The following HS6ST3 variants were observed in gnomAD, a reference collection of about 807,000 sequenced individuals.
HS6ST3 encodes the protein heparan sulfate 6-O-sulfotransferase 3.
Under a neutral mutation model 36.7 loss-of-function variants are expected in HS6ST3, and 12 were observed. That is an observed-to-expected ratio of 0.33 (90% confidence interval 0.21 to 0.53). The LOEUF (loss-of-function observed/expected upper bound fraction) is 0.53, where lower values mean the gene tolerates loss of function less well. HS6ST3 is among the 20% of genes least tolerant of loss of function. HS6ST3 has a pLI of 0.95. For missense variants in HS6ST3, 584 were observed against 640.9 expected (o/e 0.91, Z 0.96); for synonymous variants, 240 against 257.5 (o/e 0.93, Z 0.65).
chr13:96,431,229 AAC>A (rs1402263287), intron 1 of HS6ST3, among the ~76,000 whole-genome samples: 2 of 20,356 alleles, frequency 9.8e-5, no homozygotes, highest in African/African-American at 4.6e-4. Context: ...ACAAACAAAC[AAC>A]AACAACAACA....
intron 1 of HS6ST3, among the ~76,000 whole-genome samples, chr13:96,518,355 A>G (rs754785737): frequency 6.6e-6 from 1 of 152,174 alleles, no homozygotes; most frequent in East Asian, 1.9e-4. Context: ...ATGGGAAGCA[A>G]TTGGAATAGT....
chr13:96,205,844 C>G (rs2054367384), intron 1 of HS6ST3, among the ~76,000 whole-genome samples: 1 of 152,116 alleles, frequency 6.6e-6, no homozygotes, highest in South Asian at 2.1e-4. Context: ...ATGACAGACT[C>G]ACAGCCAGTA....
intron 1 of HS6ST3, among the ~76,000 whole-genome samples, chr13:96,243,526 C>G (rs1209295388): frequency 6.6e-6 from 1 of 152,058 alleles, no homozygotes; most frequent in Non-Finnish European, 1.5e-5. Context: ...CTGGATTGCT[C>G]TTTTTGGAAC....
At chr13:96,407,635 A>T (rs2055485608) in intron 1 of HS6ST3, among the ~76,000 whole-genome samples, 1 of 152,234 alleles carries the variant, frequency 6.6e-6, no homozygotes, top group South Asian at 2.1e-4. Flanking sequence ...ACCTAGCAAG[A>T]TCAAAGCACT....
chr13:96,344,432 CCAGA>C (rs1292149261), intron 1 of HS6ST3, among the ~76,000 whole-genome samples: 3 of 152,140 alleles, frequency 2.0e-5, no homozygotes, highest in African/African-American at 7.2e-5. Flanking sequence ...TTGCCCAAGG[CCAGA>C]CAGTTTGTAG....
intron 1 of HS6ST3, among the ~76,000 whole-genome samples, chr13:96,127,120 G>C (rs2053955943): frequency 6.6e-6 from 1 of 152,170 alleles, no homozygotes; most frequent in East Asian, 1.9e-4. Flanking sequence ...AAATTCATCT[G>C]TTGAAGCCCT....
chr13:96,254,274 C>T (rs1365117240), intron 1 of HS6ST3, among the ~76,000 whole-genome samples: 1 of 150,690 alleles, frequency 6.6e-6, no homozygotes, highest in African/African-American at 2.4e-5. Context: ...ATTAGCTGGG[C>T]GTGGTGTTGC....
rs535102016 is a variant in HS6ST3 at position 96,421,642 on chromosome 13, C to A, written c.707+330073C>A. Among the ~76,000 whole-genome samples the A allele has an allele frequency of 5.3e-5, 8 of 152,244 alleles. 1 individual carries two copies. Among genetic ancestry groups the A allele is most frequent in the African/African-American group, 1.9e-4 (8 of 41,558 alleles). ...CCTGTGTGCTTGATTTGCCCTATGA[C>A]CTGCATTCATCTCTGAGGTTCTTTC... is the stretch of plus-strand genomic sequence containing the variant. On this transcript the variant is annotated intron_variant, in intron 1 of 1. Coordinates refer to ENST00000376705, the MANE Select transcript of HS6ST3 (RefSeq NM_153456.4).
chr13:96,452,868 G>A (rs2055735092), intron 1 of HS6ST3, among the ~76,000 whole-genome samples: 1 of 152,042 alleles, frequency 6.6e-6, no homozygotes, highest in African/African-American at 2.4e-5. Context: ...CTACTACCTG[G>A]GAGGAATTGC....
chr13:96,345,225 C>T (rs1186298249), intron 1 of HS6ST3, among the ~76,000 whole-genome samples: 4 of 152,144 alleles, frequency 2.6e-5, no homozygotes, highest in African/African-American at 9.7e-5. Flanking sequence ...TTTCATAAGG[C>T]TATCATCAAT....
At position 96,590,793 on chromosome 13, in the gene HS6ST3, A is replaced by G. The variant is rs114795769; in HGVS notation, c.708-241697A>G. On this transcript the variant is annotated intron_variant, in intron 1 of 1. Coordinates refer to ENST00000376705, the MANE Select transcript of HS6ST3 (RefSeq NM_153456.4). The stretch of plus-strand genomic sequence containing the variant: ...TCCAATGCCCTGGAGAGTTTCTCCA[A>G]TGTTTTCTTTTAGCAGTTTCATAGT... Among the ~76,000 whole-genome samples the G allele has an allele frequency of 3.7e-3, 564 of 152,254 alleles. 2 individuals carry two copies. Among genetic ancestry groups the G allele is most frequent in the African/African-American group, 0.013 (540 of 41,578 alleles).
At chr13:96,684,312 T>C (rs1432229298) in intron 1 of HS6ST3, among the ~76,000 whole-genome samples, 1 of 152,114 alleles carries the variant, frequency 6.6e-6, no homozygotes, top group Admixed American at 6.6e-5. Context: ...TATTTCTGCA[T>C]CTAGAGGCAT....
intron 1 of HS6ST3, among the ~76,000 whole-genome samples, chr13:96,459,946 A>C (rs1450203996): frequency 6.6e-6 from 1 of 152,220 alleles, no homozygotes; most frequent in Non-Finnish European, 1.5e-5. Context: ...AAACATTTTG[A>C]AAGGTTATTT....
At chr13:96,598,539 T>C (rs1004818715) in intron 1 of HS6ST3, among the ~76,000 whole-genome samples, 4 of 152,186 alleles carry the variant, frequency 2.6e-5, no homozygotes, top group Non-Finnish European at 4.4e-5. Flanking sequence ...ACCTGAGACG[T>C]TACTGAGTTC....
chr13:96,329,064 TTC>T (rs958467402), intron 1 of HS6ST3, among the ~76,000 whole-genome samples: 1 of 150,970 alleles, frequency 6.6e-6, no homozygotes, highest in Non-Finnish European at 1.5e-5. Flanking sequence ...TATTTGATTC[TTC>T]TCTCTTTTTT....
In HS6ST3 at chr13:96,137,496, C is replaced by T. The variant is rs144847011; in HGVS notation, c.707+45927C>T. 6.4e-3 allele frequency among the ~76,000 whole-genome samples: 941 copies of T among 147,656 alleles called. 7 individuals are homozygous for T. The highest frequency in any genetic ancestry group is 0.011 in the Non-Finnish European group (728 of 67,460). ...TCACCCAGGCTGGAGTACAGTGGTG[C>T]GATCTTAGCTCACTGCAACCTCTGC... On this transcript the variant is annotated intron_variant, in intron 1 of 1. Transcript: ENST00000376705.
At chr13:96,166,928 AC>A (rs971674005) in intron 1 of HS6ST3, among the ~76,000 whole-genome samples, 3 of 151,856 alleles carry the variant, frequency 2.0e-5, no homozygotes, top group African/African-American at 7.3e-5. Flanking sequence ...AGGGGCTTTT[AC>A]CCCTTTTGCT....
In HS6ST3 at chr13:96,382,251, T is replaced by C. The variant is rs370588452; in HGVS notation, c.707+290682T>C. ...TCAGATGTTAAGGAACCACATAATA[T>C]TGAACCTTCGTTTCAGGTCTTATAC... On this transcript the variant is annotated intron_variant, in intron 1 of 1. Coordinates refer to ENST00000376705, the MANE Select transcript of HS6ST3 (RefSeq NM_153456.4). 5.5e-4 allele frequency among the ~76,000 whole-genome samples: 84 copies of C among 152,332 alleles called. No homozygotes were observed. The East Asian group carries it at 5.8e-3, about 10-fold the overall frequency.
chr13:96,242,219 T>C (rs2054564179), intron 1 of HS6ST3, among the ~76,000 whole-genome samples: 1 of 144,184 alleles, frequency 6.9e-6, no homozygotes. Flanking sequence ...TGTTTTTGAG[T>C]CTTTTTTTTT....
Sources: allele counts gnomAD v4.1 joint callset (sites outside exome capture counted in the v4.1 genomes callset), GRCh38; gene constraint gnomAD v4.1.1; transcripts MANE v1.5; gene names NCBI Gene and HGNC (gene_info 2026-07-23, HGNC 2026-07-21).